The following RLF variants were observed in gnomAD, a reference collection of about 807,000 sequenced individuals.
RLF encodes zinc finger protein Rlf.
A neutral mutation model predicts 162.9 loss-of-function variants in RLF; 7 were observed. The observed-to-expected ratio is 0.04, with a 90% confidence interval of 0.02 to 0.08. The LOEUF (loss-of-function observed/expected upper bound fraction) is 0.08. RLF is among the 10% of genes least tolerant of loss of function. The probability of loss-of-function intolerance (pLI) is 1.00; values close to 1 mark genes in which losing one functional copy is unlikely to be tolerated. For missense variants in RLF, 1,664 were observed against 2,244.7 expected (o/e 0.74, Z 5.23); for synonymous variants, 782 against 791.5 (o/e 0.99, Z 0.20).
chr1:40,169,855 G>A (rs1214841544), intron 1 of RLF, among the ~76,000 whole-genome samples: 1 of 151,622 alleles, frequency 6.6e-6, no homozygotes, highest in Non-Finnish European at 1.5e-5. Context: ...ACCACACCCG[G>A]CTATTTGTAT....
intron 5 of RLF, among the ~76,000 whole-genome samples, chr1:40,209,615 T>G (rs999964372): frequency 6.6e-6 from 1 of 152,202 alleles, no homozygotes; most frequent in Non-Finnish European, 1.5e-5. Flanking sequence ...GAGTGGCTCA[T>G]GCCTGTAATC....
At chr1:40,213,438 A>G (rs777518545) in intron 5 of RLF, among the ~76,000 whole-genome samples, 7 of 152,196 alleles carry the variant, frequency 4.6e-5, no homozygotes, top group Non-Finnish European at 7.4e-5. Context: ...TTATTTCTTT[A>G]AGAAATATAC....
At position 40,236,611 on chromosome 1, in the gene RLF, C is replaced by T. The variant is rs1341205460; in HGVS notation, c.1909C>T (p.Pro637Ser). 1 of 1,614,012 alleles carries T rather than the reference C, an allele frequency of 6.2e-7. No homozygotes were observed. The highest frequency in any genetic ancestry group is 1.7e-5 in the Admixed American group (1 of 60,000). The part of the protein sequence containing the change: ...GICPKSPSAI[P>S]EQNHSLNDQA... ...TTGTCCTAAGAGCCCCTCTGCAATCCCAGAGCAAAACCATTCATTGAATGA... is the reference window on the plus strand; with the variant it reads ...TTGTCCTAAGAGCCCCTCTGCAATCTCAGAGCAAAACCATTCATTGAATGA... Residue 637 changes from proline (P) to serine (S), a missense_variant, in exon 8 of 8, where the codon CCA (proline) becomes TCA (serine). Physicochemically the swap from Pro to Ser is moderately conservative, Grantham distance 74. Around this residue, in one of 15 missense-constraint regions of RLF, gnomAD observed 50 missense variants for 46.7 expected, o/e 1.07. Coordinates refer to ENST00000372771, the MANE Select transcript of RLF (RefSeq NM_012421.4). The surrounding 1 kb of genome is among the most constrained non-coding windows in gnomAD (Gnocchi z 7.7).
chr1:40,202,946 A>C (rs1049026538), intron 5 of RLF, among the ~76,000 whole-genome samples: 2 of 152,082 alleles, frequency 1.3e-5, no homozygotes, highest in African/African-American at 2.4e-5. Context: ...GTTGTTAATC[A>C]TGGCATCAAG....
At chr1:40,229,582 G>A (rs1004056390) in intron 6 of RLF, among the ~76,000 whole-genome samples, 1 of 150,164 alleles carries the variant, frequency 6.7e-6, no homozygotes, top group Non-Finnish European at 1.5e-5. Flanking sequence ...AGCCTCCTGA[G>A]TAGCTAGGAT....
intron 1 of RLF, among the ~76,000 whole-genome samples, chr1:40,176,600 TG>T (rs1642329087): frequency 6.6e-6 from 1 of 152,162 alleles, no homozygotes; most frequent in East Asian, 1.9e-4. Flanking sequence ...TCACCACACC[TG>T]GCTAATTTTT....
chr1:40,189,319 G>A, intron 2 of RLF, 110 bp downstream of exon 2: 2 of 813,402 alleles, frequency 2.5e-6, no homozygotes, highest in South Asian at 2.1e-5. Flanking sequence ...CACCATTAGA[G>A]TCATACCATT....
chr1:40,214,918 CAAAAAAAAAAAAAAA>C (rs34756935), intron 5 of RLF, among the ~76,000 whole-genome samples: 10 of 14,396 alleles, frequency 6.9e-4, no homozygotes, highest in Middle Eastern at 0.033. Flanking sequence ...GAGCCTGTCT[CAAAAAAAAAAAAAAA>C]AAAAAAAAAA....
intron 1 of RLF, among the ~76,000 whole-genome samples, chr1:40,185,826 CAAA>C (rs762760072): frequency 3.3e-5 from 1 of 30,282 alleles, no homozygotes; most frequent in African/African-American, 1.0e-4. Context: ...GAGACTGTCT[CAAA>C]AAAAAAAAAA....
At chr1:40,184,527 TG>T (rs1642446554) in intron 1 of RLF, among the ~76,000 whole-genome samples, 1 of 152,174 alleles carries the variant, frequency 6.6e-6, no homozygotes, top group African/African-American at 2.4e-5. Flanking sequence ...GCATATTTGC[TG>T]GGGAAGATGT....
At chr1:40,195,094 C>T in intron 3 of RLF, among the ~76,000 whole-genome samples, 1 of 151,766 alleles carries the variant, frequency 6.6e-6, no homozygotes, top group African/African-American at 2.4e-5. Flanking sequence ...CTCAGCCTCC[C>T]AAAGTGCTGA....
At chr1:40,224,654 TG>T (rs1423066211) in intron 6 of RLF, among the ~76,000 whole-genome samples, 3 of 112,802 alleles carry the variant, frequency 2.7e-5, no homozygotes, top group Admixed American at 9.2e-5. Flanking sequence ...TTTTTTTTTT[TG>T]GTAGTGGGAT....
At chr1:40,196,265 G>A (rs1642634883) in intron 4 of RLF, among the ~76,000 whole-genome samples, 1 of 151,900 alleles carries the variant, frequency 6.6e-6, no homozygotes. Context: ...GTAGAGACGA[G>A]GCGTTACCAT....
intron 1 of RLF, among the ~76,000 whole-genome samples, chr1:40,187,731 A>G (rs1642501142): frequency 6.6e-6 from 1 of 152,112 alleles, no homozygotes; most frequent in Admixed American, 6.6e-5. Context: ...TTTAAATGTT[A>G]AAGTAATCAA....
chr1:40,229,600 A>G (rs1211475038), intron 6 of RLF, among the ~76,000 whole-genome samples: 1 of 151,500 alleles, frequency 6.6e-6, no homozygotes. Context: ...GATTACAGGC[A>G]TGCACCACCA....
chr1:40,201,576 A>T (rs1369977704), intron 4 of RLF, among the ~76,000 whole-genome samples: 1 of 150,584 alleles, frequency 6.6e-6, no homozygotes, highest in Non-Finnish European at 1.5e-5. Flanking sequence ...CAGTGAGCCA[A>T]GATCGCGCCA....
intron 5 of RLF, among the ~76,000 whole-genome samples, chr1:40,210,223 C>G (rs1456999129): frequency 6.6e-6 from 1 of 152,112 alleles, no homozygotes; most frequent in Non-Finnish European, 1.5e-5. Context: ...ACTGTATGGC[C>G]CAGTTTGTTT....
At chr1:40,190,041 T>C (rs919259782) in intron 2 of RLF, among the ~76,000 whole-genome samples, 2 of 152,166 alleles carry the variant, frequency 1.3e-5, no homozygotes, top group African/African-American at 4.8e-5. Flanking sequence ...TATTTTCCAG[T>C]GGCCCTTTAT....
At chr1:40,190,135 G>A (rs1223389892) in intron 2 of RLF, among the ~76,000 whole-genome samples, 1 of 152,038 alleles carries the variant, frequency 6.6e-6, no homozygotes, top group Non-Finnish European at 1.5e-5. Flanking sequence ...TAATCCCTAA[G>A]GGGTAAAGGA....
Sources: allele counts gnomAD v4.1 joint callset (sites outside exome capture counted in the v4.1 genomes callset), GRCh38; gene constraint gnomAD v4.1.1; regional missense constraint gnomAD v4.1.1; non-coding constraint Gnocchi (gnomAD v3.1); transcripts MANE v1.5; gene names NCBI Gene and HGNC (gene_info 2026-07-23, HGNC 2026-07-21).